Variants in MAP3K9 observed in about 807,000 individuals in gnomAD.
The protein encoded by MAP3K9 is mixed lineage kinase 1 (tyr and ser/thr specificity).
In MAP3K9, 46 loss-of-function variants were observed where a neutral mutation model predicts 95.8. That is an observed-to-expected ratio of 0.48 (90% CI 0.38 to 0.61). The LOEUF is 0.61. Ranked by LOEUF, MAP3K9 falls within the 20% of genes least tolerant of loss-of-function variation. The pLI is 0.00. For missense variants in MAP3K9, 1,296 were observed against 1,474.3 expected, an observed-to-expected ratio of 0.88 and a Z score of 1.98; for synonymous variants, 533 against 593.8, an observed-to-expected ratio of 0.90 and a Z score of 1.49.
intron 6 of MAP3K9, 143 bp downstream of exon 6, chr14:70,742,208 A>G (rs915641496): frequency 1.8e-6 from 2 of 1,125,386 alleles, no homozygotes; most frequent in Non-Finnish European, 2.5e-6. Context: ...CTTTCCAGTG[A>G]ACAGAATGGC....
At chr14:70,790,775 C>A (rs146535351) in intron 2 of MAP3K9, among the ~76,000 whole-genome samples, 31 of 152,278 alleles carry the variant, frequency 2.0e-4, no homozygotes, top group Non-Finnish European at 3.2e-4. Flanking sequence ...CAGTAAAGAC[C>A]TGGGCTCCCT....
rs772916813 is a variant in MAP3K9, at chr14:70,809,052, C to A, written c.120G>T (p.Ala40=). 12 of 1,459,368 alleles carry A rather than the reference C, an allele frequency of 8.2e-6. No homozygotes were observed. The highest frequency in any genetic ancestry group is 1.1e-5 in the Non-Finnish European group (12 of 1,111,530). 90.4% of individuals were successfully genotyped at this position (1,459,368 alleles called of 1,614,324 possible). ...EEEEEEEEEA[A]AAVGPGELGC... ...CCAGCTCCCCGGGGCCCACCGCCGC[C>A]GCCGCCTCCTCCTCCTCCTCCTCCT... The change falls in exon 1 of 12, where the codon GCG becomes GCT. Residue 40 remains alanine (A), a synonymous_variant. Coordinates refer to ENST00000554752, the MANE Select transcript of MAP3K9 (RefSeq NM_001284230.2).
At chr14:70,807,960 G>A (rs7155910) in intron 1 of MAP3K9, among the ~76,000 whole-genome samples, 1 of 152,164 alleles carries the variant, frequency 6.6e-6, no homozygotes, top group Non-Finnish European at 1.5e-5. Context: ...CAGTTCCAAA[G>A]ATAGGCAAGG....
intron 3 of MAP3K9, among the ~76,000 whole-genome samples, chr14:70,752,437 T>C (rs2054242025): frequency 6.6e-6 from 1 of 152,224 alleles, no homozygotes; most frequent in African/African-American, 2.4e-5. Flanking sequence ...CAGGCTGCCC[T>C]GGGTCCTCTA....
chr14:70,743,754 G>A (rs1348187051), intron 5 of MAP3K9, among the ~76,000 whole-genome samples: 1 of 152,216 alleles, frequency 6.6e-6, no homozygotes, highest in African/African-American at 2.4e-5. Flanking sequence ...TACACTGTTG[G>A]TGGGAGTGTA....
chr14:70,797,443 T>A (rs1043942180), intron 2 of MAP3K9, among the ~76,000 whole-genome samples: 18 of 143,282 alleles, frequency 1.3e-4, no homozygotes, highest in African/African-American at 4.4e-4. Flanking sequence ...AATAATAAAA[T>A]TTTTTAAAAA....
chr14:70,761,865 C>A (rs1326359221), intron 2 of MAP3K9, among the ~76,000 whole-genome samples: 1 of 152,158 alleles, frequency 6.6e-6, no homozygotes, highest in Non-Finnish European at 1.5e-5. Context: ...AGTTCCAAAA[C>A]ATTTTCACCA....
At position 70,756,564 on chromosome 14, in the gene MAP3K9, T is replaced by C. The variant is rs1281028760; in HGVS notation, c.1001+4438A>G. ...TGCCCACATAACCAAGTGCAGGCAA[T>C]TGGGTGTGCAGAGATGTGTACAACT... On this transcript the variant is annotated intron_variant, in intron 3 of 11. Coordinates refer to ENST00000554752, the MANE Select transcript of MAP3K9 (RefSeq NM_001284230.2). 4.6e-5 allele frequency among the ~76,000 whole-genome samples: 7 copies of C among 152,330 alleles called. No individual in the cohort carries two copies. The South Asian group carries it at 8.3e-4, about 18-fold the overall frequency.
intron 2 of MAP3K9, among the ~76,000 whole-genome samples, chr14:70,787,600 T>C (rs1006540845): frequency 2.6e-5 from 4 of 151,618 alleles, no homozygotes; most frequent in Non-Finnish European, 4.4e-5. Flanking sequence ...AAGGGATGGA[T>C]GGACAGTCAG....
At position 70,809,379 on chromosome 14, in the gene MAP3K9, GC is replaced by G; in HGVS notation, c.-209del. ...GCGCCGAGCGCGAGCTCTTCGCGCAGCCTAGGGGCGCAGCGGGCCGAGTCCC... is the reference window on the plus strand; with the variant it reads ...GCGCCGAGCGCGAGCTCTTCGCGCAGCTAGGGGCGCAGCGGGCCGAGTCCC... On this transcript the variant is annotated 5_prime_UTR_variant, in exon 1 of 12. Coordinates refer to ENST00000554752, the MANE Select transcript of MAP3K9 (RefSeq NM_001284230.2). 1 of 549,174 alleles carries G rather than the reference GC, an allele frequency of 1.8e-6. No individual in the cohort carries two copies. The highest frequency in any genetic ancestry group is 2.7e-6 in the Non-Finnish European group (1 of 368,382). 34.0% of individuals were successfully genotyped at this position (549,174 alleles called of 1,614,324 possible).
At position 70,800,864 on chromosome 14, in the gene MAP3K9, CCT is replaced by C; in HGVS notation, c.621_622del (p.Val209MetfsTer21). On this transcript the variant is annotated frameshift_variant, in exon 2 of 12. Coordinates refer to ENST00000554752, the MANE Select transcript of MAP3K9 (RefSeq NM_001284230.2). LOFTEE classifies it high-confidence loss of function. ...GAGGTTGGGCTCCTTCAGACATACC[CCT>C]CTTAGGGCAATGATGTTGGGGTGCT... 6.2e-7 allele frequency: 1 copy of C among 1,614,122 alleles called. No homozygotes were observed. Among genetic ancestry groups the C allele is most frequent in the Non-Finnish European group, 8.5e-7 (1 of 1,180,016 alleles).
At chr14:70,747,412 T>C (rs1594775443) in intron 5 of MAP3K9, among the ~76,000 whole-genome samples, 1 of 152,230 alleles carries the variant, frequency 6.6e-6, no homozygotes, top group East Asian at 1.9e-4. Flanking sequence ...GCTACCATGA[T>C]TATAAGTTTC....
At position 70,730,179 on chromosome 14, in the gene MAP3K9, G is replaced by T; in HGVS notation, c.*201C>A. Reference sequence around the variant, plus strand: ...AGAGCTGATGGCCACAGCCCCTCCAGTGGACACGGGTAGAAAGGCCCTGCA... The same window carrying T: ...AGAGCTGATGGCCACAGCCCCTCCATTGGACACGGGTAGAAAGGCCCTGCA... On this transcript the variant is annotated 3_prime_UTR_variant, in exon 12 of 12. Coordinates refer to ENST00000554752, the MANE Select transcript of MAP3K9 (RefSeq NM_001284230.2). The T allele has an allele frequency of 1.4e-6, 1 of 712,130 alleles. No homozygotes were observed. Among genetic ancestry groups the T allele is most frequent in the Non-Finnish European group, 2.2e-6 (1 of 448,540 alleles). 44.1% of individuals were successfully genotyped at this position (712,130 alleles called of 1,614,324 possible). A position where few individuals can be genotyped will look rare whatever the true frequency, so the allele number is the denominator to read the frequency against.
At chr14:70,799,056 C>T (rs79069674) in intron 2 of MAP3K9, among the ~76,000 whole-genome samples, 8,447 of 152,218 alleles carry the variant, frequency 0.055, 323 homozygotes, top group African/African-American at 0.096. Flanking sequence ...TTAAAAATGT[C>T]GGGAAGGATA....
chr14:70,777,415 T>C (rs2054614533), intron 2 of MAP3K9, among the ~76,000 whole-genome samples: 1 of 152,190 alleles, frequency 6.6e-6, no homozygotes, highest in Non-Finnish European at 1.5e-5. Context: ...CCAGCTCCAC[T>C]GTTCACCAGC....
rs1307889259 is a variant in MAP3K9, at chr14:70,733,167, C to T, written c.2202G>A (p.Thr734=). Residue 734 remains threonine (T), a synonymous_variant, in exon 11 of 12, where the codon ACG becomes ACA. Transcript: ENST00000554752. ...VNSATSTPQL[T]PTNSLKRGGA... is the part of the protein sequence containing the mutation. The stretch of plus-strand genomic sequence containing the variant: ...CGCCCCGCTTGAGGCTGTTGGTTGG[C>T]GTCAGCTGAGGGGTACTCGTGGCCG... 9.9e-6 allele frequency: 16 copies of T among 1,611,576 alleles called. No individual in the cohort carries two copies. Among genetic ancestry groups the T allele is most frequent in the African/African-American group, 6.7e-5 (5 of 74,856 alleles).
chr14:70,777,328 T>TA (rs1207738741), intron 2 of MAP3K9, among the ~76,000 whole-genome samples: 1 of 152,116 alleles, frequency 6.6e-6, no homozygotes, highest in Non-Finnish European at 1.5e-5. Context: ...AAAGCACTCT[T>TA]AGACAGTGGT....
chr14:70,754,582 C>T (rs2054273043), intron 3 of MAP3K9, among the ~76,000 whole-genome samples: 1 of 152,154 alleles, frequency 6.6e-6, no homozygotes. Flanking sequence ...CACCATTCTC[C>T]CGCCTCAGCC....
rs1249259184 is a variant in MAP3K9 at position 70,722,716 on chromosome 14, T to C, written c.*7664A>G. The C allele has an allele frequency of 6.6e-6, 1 of 151,090 alleles. No homozygotes were observed. The highest frequency in any genetic ancestry group is 1.5e-5 in the Non-Finnish European group (1 of 67,906). The allele number at this position is 151,090 out of a possible 1,614,324, so 9.4% of individuals were successfully genotyped here. ...GCCAAAGGAAAGAACCTGGTAAGTT[T>C]CCTTCAGGACTTTTTCATCTTTAAA... is the stretch of plus-strand genomic sequence containing the variant. On this transcript the variant is annotated 3_prime_UTR_variant, in exon 12 of 12. Transcript: ENST00000554752.
Sources: allele counts gnomAD v4.1 joint callset (sites outside exome capture counted in the v4.1 genomes callset), GRCh38; gene constraint gnomAD v4.1.1; transcripts MANE v1.5; gene names NCBI Gene and HGNC (gene_info 2026-07-23, HGNC 2026-07-21).